The following SMIM14 variants were observed in gnomAD, a reference collection of about 807,000 sequenced individuals.
SMIM14 encodes small integral membrane protein 14, also known as chromosome 4 open reading frame 34.
Under a neutral mutation model 12.6 loss-of-function variants are expected in SMIM14, and 5 were observed. The ratio of observed to expected loss-of-function variants is 0.40; its 90% CI spans 0.21 to 0.83. SMIM14 has a LOEUF of 0.83. SMIM14 is among the 40% of genes least tolerant of loss of function. The pLI, the probability that SMIM14 is intolerant of heterozygous loss-of-function variation, is 0.37. For missense variants in SMIM14, 86 were observed against 119.1 expected, an observed-to-expected ratio of 0.72 and a Z score of 1.29; for synonymous variants, 30 against 40.1, an observed-to-expected ratio of 0.75 and a Z score of 0.95.
chr4:39,594,468 A>G (rs2110043627), intron 2 of SMIM14: 1 of 151,170 alleles, frequency 6.6e-6, no homozygotes, highest in Admixed American at 6.6e-5. Context: ...AAACCTAGGC[A>G]TTACCATTCA....
chr4:39,572,277 CTTTTTTTTTTTTT>C (rs71192876), intron 3 of SMIM14, 125 bp downstream of exon 3: 2 of 208,862 alleles, frequency 9.6e-6, no homozygotes, highest in Admixed American at 7.2e-5. Context: ...GTATGTGTCG[CTTTTTTTTTTTTT>C]TTTTTTTTTT....
At chr4:39,622,377 C>T (rs540926922) in intron 1 of SMIM14, among the ~76,000 whole-genome samples, 6 of 151,894 alleles carry the variant, frequency 4.0e-5, no homozygotes, top group South Asian at 2.1e-4. Context: ...CCACCGCGCC[C>T]GGCCACAAAT....
chr4:39,617,132 A>G (rs11097000), intron 1 of SMIM14, among the ~76,000 whole-genome samples: 103,029 of 152,000 alleles, frequency 0.68, 35,703 homozygotes, highest in African/African-American at 0.81. Flanking sequence ...TATGTACAAA[A>G]TTACATACAT....
At chr4:39,563,969 C>A (rs114485550) in intron 3 of SMIM14, among the ~76,000 whole-genome samples, 1 of 151,980 alleles carries the variant, frequency 6.6e-6, no homozygotes, top group Non-Finnish European at 1.5e-5. Context: ...TGCTCTGTCA[C>A]CAGGCTGGAG....
intron 2 of SMIM14, among the ~76,000 whole-genome samples, chr4:39,595,395 G>A (rs1281264388): frequency 9.1e-6 from 1 of 110,146 alleles, no homozygotes; most frequent in Non-Finnish European, 1.9e-5. Context: ...CACACTCTGG[G>A]GACTGTTGTG....
intron 2 of SMIM14, among the ~76,000 whole-genome samples, chr4:39,597,876 A>T (rs954957130): frequency 6.6e-6 from 1 of 152,206 alleles, no homozygotes; most frequent in Non-Finnish European, 1.5e-5. Context: ...GTTAGGGCAT[A>T]CAAACAGCTT....
chr4:39,572,811 G>C (rs1258938555), intron 2 of SMIM14, among the ~76,000 whole-genome samples: 1 of 151,776 alleles, frequency 6.6e-6, no homozygotes, highest in African/African-American at 2.4e-5. Context: ...GACAGAGCGA[G>C]ACCTTGTCTT....
chr4:39,572,276 GCTTTTT>G (rs1712930644), intron 3 of SMIM14, 133 bp downstream of exon 3: 1 of 427,874 alleles, frequency 2.3e-6, no homozygotes, highest in African/African-American at 3.6e-5. Flanking sequence ...CGTATGTGTC[GCTTTTT>G]TTTTTTTTTT....
At chr4:39,562,827 A>T (rs1285517273) in intron 3 of SMIM14, among the ~76,000 whole-genome samples, 827 of 124,140 alleles carry the variant, frequency 6.7e-3, no homozygotes, top group African/African-American at 0.031. Flanking sequence ...TATTTTTAGT[A>T]GAGACGGTGT....
chr4:39,574,237 C>CTTTTTTTTTTTTTTTTTT (rs11338888), intron 2 of SMIM14, among the ~76,000 whole-genome samples: 1 of 126,870 alleles, frequency 7.9e-6, no homozygotes. Context: ...CTGCAACTTT[C>CTTTTTTTTTTTTTTTTTT]TTTTTTTTTT....
At chr4:39,624,612 T>C (rs1270132398) in intron 1 of SMIM14, among the ~76,000 whole-genome samples, 1 of 151,658 alleles carries the variant, frequency 6.6e-6, no homozygotes, top group Non-Finnish European at 1.5e-5. Context: ...TCACCTGAGG[T>C]CAGGAGTTCA....
At chr4:39,598,657 A>G (rs1714473266) in intron 2 of SMIM14, among the ~76,000 whole-genome samples, 1 of 152,148 alleles carries the variant, frequency 6.6e-6, no homozygotes, top group Admixed American at 6.6e-5. Context: ...AGTAAACTAT[A>G]CTGTAATTAC....
intron 3 of SMIM14, among the ~76,000 whole-genome samples, chr4:39,570,167 T>A (rs1712811657): frequency 6.6e-6 from 1 of 152,200 alleles, no homozygotes; most frequent in African/African-American, 2.4e-5. Context: ...TTTTTTGTTT[T>A]TTTTTCTTTG....
At chr4:39,589,334 G>A (rs115562334) in intron 2 of SMIM14, among the ~76,000 whole-genome samples, 2,149 of 152,238 alleles carry the variant, frequency 0.014, 33 homozygotes, top group Non-Finnish European at 0.023. Context: ...TGATTCGCCC[G>A]CCTTAGCTTC....
chr4:39,609,784 T>A (rs1387129212), intron 1 of SMIM14, among the ~76,000 whole-genome samples: 1 of 152,088 alleles, frequency 6.6e-6, no homozygotes, highest in Non-Finnish European at 1.5e-5. Flanking sequence ...GATAGAAAAC[T>A]GAGAAAAGGG....
chr4:39,554,020 T>C lies in SMIM14; in HGVS notation c.268-1862A>G, dbSNP rs201851207. Among the ~76,000 whole-genome samples the C allele has an allele frequency of 2.4e-4, 36 of 152,316 alleles. No homozygotes were observed. In the East Asian group the frequency reaches 6.7e-3, roughly 29 times the overall value. ...ATTCCTTAAAAAACAAAGCAAAACA[T>C]TGACCAATTAACACTGCACATTTGC... On this transcript the variant is annotated intron_variant, in intron 4 of 4. Coordinates refer to ENST00000295958, the MANE Select transcript of SMIM14 (RefSeq NM_174921.3).
At chr4:39,610,051 C>T (rs113411340) in intron 1 of SMIM14, among the ~76,000 whole-genome samples, 1,826 of 152,216 alleles carry the variant, frequency 0.012, 19 homozygotes, top group Non-Finnish European at 0.018. Context: ...AGTGCAGTGG[C>T]GCGAACACAC....
intron 3 of SMIM14, among the ~76,000 whole-genome samples, chr4:39,561,696 C>T (rs1712316690): frequency 6.6e-6 from 1 of 151,962 alleles, no homozygotes; most frequent in Non-Finnish European, 1.5e-5. Flanking sequence ...AAGGCAGGTG[C>T]ATCACCTGAG....
chr4:39,598,992 G>A (rs930673492), intron 2 of SMIM14, among the ~76,000 whole-genome samples: 3 of 152,100 alleles, frequency 2.0e-5, no homozygotes, highest in Non-Finnish European at 4.4e-5. Flanking sequence ...CAAAATCCTA[G>A]TCTTCTTTCT....
Sources: gnomAD v4.1 joint callset for allele counts (sites outside exome capture counted in the v4.1 genomes callset) on GRCh38, gnomAD v4.1.1 for gene constraint, MANE v1.5 for transcripts, NCBI Gene and HGNC (gene_info 2026-07-23, HGNC 2026-07-21) for gene names.